The following RGS6 variants were observed in gnomAD, a reference collection of about 807,000 sequenced individuals.
RGS6 encodes the protein regulator of G protein signaling 6.
RGS6 carries 30 observed loss-of-function variants against 78.5 expected under a neutral mutation model. That is an observed-to-expected ratio of 0.38 (90% CI 0.29 to 0.52). The LOEUF is 0.52. Ranked by LOEUF, RGS6 falls within the 20% of genes least tolerant of loss-of-function variation. The pLI is 0.85. For missense variants in RGS6, 495 were observed against 609.7 expected, an observed-to-expected ratio of 0.81 and a Z score of 1.98; for synonymous variants, 206 against 206.0, an observed-to-expected ratio of 1.00 and a Z score of 0.00.
chr14:72,495,955 T>C (rs2096638962), intron 13 of RGS6, among the ~76,000 whole-genome samples: 1 of 152,202 alleles, frequency 6.6e-6, no homozygotes, highest in Non-Finnish European at 1.5e-5. Flanking sequence ...ACAAAGCTAG[T>C]GTGGTGTGCC....
At chr14:72,002,356 T>A (rs2083638086) in intron 2 of RGS6, among the ~76,000 whole-genome samples, 2 of 152,216 alleles carry the variant, frequency 1.3e-5, no homozygotes, top group Non-Finnish European at 2.9e-5. Flanking sequence ...ATTTTCCAGC[T>A]GCAGATTTAT....
At chr14:71,894,832 A>T in the RGS6 span, among the ~76,000 whole-genome samples, 2 of 150,998 alleles carry the variant, frequency 1.3e-5, no homozygotes, top group African/African-American at 4.9e-5. Flanking sequence ...TCCTTTTTTT[A>T]TTTTTTTTTG....
At chr14:71,993,602 T>C (rs1248222029) in intron 2 of RGS6, among the ~76,000 whole-genome samples, 1 of 152,176 alleles carries the variant, frequency 6.6e-6, no homozygotes, top group Non-Finnish European at 1.5e-5. Context: ...CTTATACAGA[T>C]GGTAAGTAGT....
chr14:72,345,937 A>G lies in RGS6; in HGVS notation c.85-6158A>G, dbSNP rs58678396. Among the ~76,000 whole-genome samples the G allele has an allele frequency of 5.9e-3, 892 of 152,348 alleles. 4 individuals carry two copies. Among genetic ancestry groups the G allele is most frequent in the African/African-American group, 0.021 (862 of 41,580 alleles). On this transcript the variant is annotated intron_variant, in intron 2 of 17. Coordinates refer to ENST00000553525, the MANE Select transcript of RGS6 (RefSeq NM_001204424.2). Reference sequence around the variant, plus strand: ...AAGCATGCACATTTTGGATTAAGAAATATGATTATCATTTGTCAGCTCTGA... The same window carrying G: ...AAGCATGCACATTTTGGATTAAGAAGTATGATTATCATTTGTCAGCTCTGA...
At chr14:72,333,431 C>G (rs958748292) in intron 2 of RGS6, among the ~76,000 whole-genome samples, 1 of 152,168 alleles carries the variant, frequency 6.6e-6, no homozygotes, top group Non-Finnish European at 1.5e-5. Flanking sequence ...GATGCTGTGG[C>G]CTCCCCATTC....
intron 3 of RGS6, among the ~76,000 whole-genome samples, chr14:72,409,174 C>T (rs931423760): frequency 4.6e-5 from 7 of 152,190 alleles, no homozygotes; most frequent in African/African-American, 1.7e-4. Context: ...CTTTTTGCCA[C>T]TGTTAAAAGA....
the RGS6 span, among the ~76,000 whole-genome samples, chr14:72,572,748 ACT>A: frequency 6.6e-6 from 1 of 152,118 alleles, no homozygotes; most frequent in African/African-American, 2.4e-5. Flanking sequence ...ATTGTGCAAA[ACT>A]CTGTGGATAT....
At chr14:72,304,778 G>T (rs1242261292) in intron 2 of RGS6, among the ~76,000 whole-genome samples, 1 of 152,106 alleles carries the variant, frequency 6.6e-6, no homozygotes, top group Non-Finnish European at 1.5e-5. Flanking sequence ...TACTCGGGAG[G>T]TTGAGACAGG....
chr14:72,078,402 TA>T (rs2094674414), intron 2 of RGS6, among the ~76,000 whole-genome samples: 2 of 152,118 alleles, frequency 1.3e-5, no homozygotes, highest in South Asian at 4.2e-4. Context: ...TCTTTTCTTT[TA>T]TTCTTTTCTT....
chr14:72,214,726 AG>A (rs1432414425), intron 2 of RGS6, among the ~76,000 whole-genome samples: 1 of 152,082 alleles, frequency 6.6e-6, no homozygotes, highest in Non-Finnish European at 1.5e-5. Flanking sequence ...TGGGAGGCTG[AG>A]GTAGGAGAAT....
At chr14:72,618,583 G>T in the RGS6 span, among the ~76,000 whole-genome samples, 1 of 152,172 alleles carries the variant, frequency 6.6e-6, no homozygotes, top group Admixed American at 6.5e-5. Context: ...GTACTGACTG[G>T]CTATGGCGGG....
intron 3 of RGS6, among the ~76,000 whole-genome samples, chr14:72,436,440 A>T (rs1280596608): frequency 8.1e-6 from 1 of 122,790 alleles, no homozygotes; most frequent in Non-Finnish European, 1.8e-5. Context: ...CCAAAAACAG[A>T]CAGTATGTTT....
intron 3 of RGS6, chr14:72,421,138 T>C (rs1351035610): frequency 6.6e-6 from 1 of 151,694 alleles, no homozygotes; most frequent in Non-Finnish European, 1.5e-5. Flanking sequence ...GGAGAGGATC[T>C]CTTTTCCCCT....
the RGS6 span, among the ~76,000 whole-genome samples, chr14:72,618,464 G>A: frequency 4.6e-5 from 7 of 152,160 alleles, no homozygotes; most frequent in African/African-American, 9.7e-5. Context: ...AGGCTTGACC[G>A]TCTTCCTCTG....
chr14:72,373,392 A>C (rs1346202452), intron 3 of RGS6, among the ~76,000 whole-genome samples: 1 of 152,196 alleles, frequency 6.6e-6, no homozygotes. Context: ...AACAATACCC[A>C]TTGGGGCAGA....
rs1180724913 is a variant in RGS6, at chr14:72,312,819, C to T, written c.85-39276C>T. Reference sequence around the variant, plus strand: ...GGAAGACCAAGCAGCAAGGGTGTTACCATCAAATCCCTTCCATAACCCCTC... The same window carrying T: ...GGAAGACCAAGCAGCAAGGGTGTTATCATCAAATCCCTTCCATAACCCCTC... On this transcript the variant is annotated intron_variant, in intron 2 of 17. Coordinates refer to ENST00000553525, the MANE Select transcript of RGS6 (RefSeq NM_001204424.2). Among the ~76,000 whole-genome samples the T allele has an allele frequency of 3.3e-5, 5 of 152,134 alleles. No individual in the cohort carries two copies. The East Asian group carries it at 9.6e-4, about 29-fold the overall frequency.
intron 2 of RGS6, among the ~76,000 whole-genome samples, chr14:72,210,523 A>G (rs1333780459): frequency 6.6e-6 from 1 of 152,172 alleles, no homozygotes; most frequent in Non-Finnish European, 1.5e-5. Flanking sequence ...AGAGTGTTTT[A>G]TTTTTGAGTC....
At chr14:72,319,984 C>T (rs2071442745) in intron 2 of RGS6, among the ~76,000 whole-genome samples, 1 of 152,146 alleles carries the variant, frequency 6.6e-6, no homozygotes, top group Non-Finnish European at 1.5e-5. Context: ...ACAATCAATA[C>T]TACTCTGTAT....
chr14:72,225,409 A>C (rs1457680848), intron 2 of RGS6, among the ~76,000 whole-genome samples: 2 of 152,132 alleles, frequency 1.3e-5, no homozygotes, highest in South Asian at 4.1e-4. Context: ...TGCAGACTCA[A>C]CTTCCCTGGG....
Sources: gnomAD v4.1 joint callset for allele counts (sites outside exome capture counted in the v4.1 genomes callset) on GRCh38, gnomAD v4.1.1 for gene constraint, MANE v1.5 for transcripts, NCBI Gene and HGNC (gene_info 2026-07-23, HGNC 2026-07-21) for gene names.